RBPJ: variants seen among roughly 807,000 people sequenced by gnomAD.
The protein encoded by RBPJ is recombining binding protein suppressor of hairless.
In RBPJ, 9 loss-of-function variants were observed where a neutral mutation model predicts 67.8. That is an observed-to-expected ratio of 0.13 (90% CI 0.08 to 0.23). The LOEUF (loss-of-function observed/expected upper bound fraction) is 0.23. RBPJ is among the 10% of genes least tolerant of loss of function. RBPJ has a pLI of 1.00. For synonymous variants in RBPJ, 198 were observed against 203.3 expected (o/e 0.97, Z 0.22); for missense variants, 305 against 595.6 (o/e 0.51, Z 5.08).
chr4:26,187,774 C>T (rs573943614), intron 1 of RBPJ, among the ~76,000 whole-genome samples: 23 of 152,136 alleles, frequency 1.5e-4, no homozygotes, highest in Non-Finnish European at 2.6e-4. Context: ...ATAATCCCAG[C>T]AATTTGGGAG....
At chr4:26,290,692 C>T (rs372375093) in intron 1 of RBPJ, among the ~76,000 whole-genome samples, 1 of 150,846 alleles carries the variant, frequency 6.6e-6, no homozygotes, top group Non-Finnish European at 1.5e-5. Flanking sequence ...TTAACTTCAG[C>T]GATAACATGC....
the RBPJ span, among the ~76,000 whole-genome samples, chr4:26,120,824 G>A: frequency 6.9e-6 from 1 of 145,642 alleles, no homozygotes; most frequent in South Asian, 2.2e-4. Context: ...GAGTACTGTA[G>A]TTTAGAAGCA....
Position 26,430,073 on chromosome 4 carries a change from G to A in RBPJ, c.1044+20G>A, listed in dbSNP as rs775140078. On this transcript the variant is annotated intron_variant, in intron 9 of 10. Transcript: ENST00000355476. This position sits in a 1 kb window ranked among gnomAD's most constrained non-coding sequence, Gnocchi z 4.1. The stretch of plus-strand genomic sequence containing the variant: ...CTTCAGGTGAGAACGCCTAGTCCAA[G>A]TTGGCCTTCAGCTCTTTGCAGCTAC... 60 of 1,613,584 alleles carry A rather than the reference G, an allele frequency of 3.7e-5. No homozygotes were observed. In the South Asian group the frequency reaches 5.4e-4, roughly 14 times the overall value.
chr4:26,345,243 A>G (rs1030704632), intron 1 of RBPJ, among the ~76,000 whole-genome samples: 1 of 152,264 alleles, frequency 6.6e-6, no homozygotes, highest in Non-Finnish European at 1.5e-5. Flanking sequence ...TAGCCAAAAA[A>G]TATTAGGGGG....
chr4:26,109,452 CTCTCTCTCTATATATATATATATA>C, the RBPJ span, among the ~76,000 whole-genome samples: 2 of 24,220 alleles, frequency 8.3e-5, no homozygotes, highest in African/African-American at 2.6e-4. Context: ...CTCTCTCTCT[CTCTCTCTCTATATATATATATATA>C]TATATATATA....
intron 2 of RBPJ, among the ~76,000 whole-genome samples, chr4:26,398,014 G>A (rs1398608751): frequency 6.6e-6 from 1 of 152,114 alleles, no homozygotes; most frequent in African/African-American, 2.4e-5. Context: ...TGATGACTGT[G>A]GCCTATTGTG....
At position 26,359,937 on chromosome 4, in the gene RBPJ, A is replaced by G. The variant is rs557457532; in HGVS notation, c.21-26416A>G. Among the ~76,000 whole-genome samples the G allele has an allele frequency of 3.3e-5, 5 of 152,172 alleles. No homozygotes were observed. The South Asian group carries it at 1.0e-3, about 31-fold the overall frequency. On this transcript the variant is annotated intron_variant, in intron 1 of 10. Coordinates refer to ENST00000355476, the MANE Select transcript of RBPJ (RefSeq NM_015874.6). Reference sequence around the variant, plus strand: ...CAGTTATTTGATCTCATAATTTCATAAATATTGTGTGTTGTAAATTCAGTA... The same window carrying G: ...CAGTTATTTGATCTCATAATTTCATGAATATTGTGTGTTGTAAATTCAGTA...
At chr4:26,345,448 C>T (rs1030706071) in intron 1 of RBPJ, among the ~76,000 whole-genome samples, 3 of 152,166 alleles carry the variant, frequency 2.0e-5, no homozygotes, top group African/African-American at 4.8e-5. Context: ...TCCCCAAAAG[C>T]GCCTACTGAG....
intron 1 of RBPJ, among the ~76,000 whole-genome samples, chr4:26,328,878 G>A (rs1050736844): frequency 8.3e-4 from 126 of 152,240 alleles, no homozygotes; most frequent in Non-Finnish European, 7.4e-5. Flanking sequence ...CAGAGCTCCC[G>A]GGCTCAAGTG....
chr4:26,192,423 C>T (rs1043182335), intron 1 of RBPJ, among the ~76,000 whole-genome samples: 1 of 152,160 alleles, frequency 6.6e-6, no homozygotes, highest in African/African-American at 2.4e-5. Flanking sequence ...CACACAAATT[C>T]CCCCATATAC....
chr4:26,333,237 C>T (rs1420621227), intron 1 of RBPJ, among the ~76,000 whole-genome samples: 4 of 152,172 alleles, frequency 2.6e-5, no homozygotes, highest in East Asian at 1.9e-4. Context: ...CAAGGAACAA[C>T]GATATATTTC....
At chr4:26,408,370 C>T (rs977417187) in intron 3 of RBPJ, among the ~76,000 whole-genome samples, 2 of 150,646 alleles carry the variant, frequency 1.3e-5, no homozygotes, top group African/African-American at 4.9e-5. Flanking sequence ...TGGGACATAG[C>T]GTACCAACTC....
At chr4:26,288,631 T>C (rs965476742) in intron 1 of RBPJ, among the ~76,000 whole-genome samples, 1 of 152,258 alleles carries the variant, frequency 6.6e-6, no homozygotes, top group Non-Finnish European at 1.5e-5. Flanking sequence ...TGCAAATTTA[T>C]TTGTGAGTTT....
chr4:26,406,381 G>T, intron 3 of RBPJ, 111 bp downstream of exon 3: 1 of 672,832 alleles, frequency 1.5e-6, no homozygotes, highest in Non-Finnish European at 2.6e-6. Flanking sequence ...TCATTTGCTA[G>T]TACAAAATAA....
At chr4:26,375,288 C>CAAAAAAAA (rs561305108) in intron 1 of RBPJ, among the ~76,000 whole-genome samples, 1 of 102,920 alleles carries the variant, frequency 9.7e-6, no homozygotes, top group Non-Finnish European at 2.0e-5. Context: ...GACCCTGTCT[C>CAAAAAAAA]AAAAAAAAAA....
At chr4:26,334,422 T>C (rs1235538286) in intron 1 of RBPJ, among the ~76,000 whole-genome samples, 1 of 152,174 alleles carries the variant, frequency 6.6e-6, no homozygotes, top group Non-Finnish European at 1.5e-5. Flanking sequence ...GTTTTTAAAT[T>C]CTGTATACAT....
At chr4:26,327,376 A>G (rs1723738871) in intron 1 of RBPJ, among the ~76,000 whole-genome samples, 1 of 152,124 alleles carries the variant, frequency 6.6e-6, no homozygotes, top group Admixed American at 6.5e-5. Context: ...ATATTGGTGA[A>G]GTTTACGGCA....
At chr4:26,429,759 A>G in intron 8 of RBPJ, 139 bp from the exon 9 acceptor site, 1 of 695,852 alleles carries the variant, frequency 1.4e-6, no homozygotes. Flanking sequence ...TTGGCAAAGC[A>G]CCATACTTTA....
chr4:26,171,643 G>T (rs976906492), intron 1 of RBPJ, among the ~76,000 whole-genome samples: 1 of 152,196 alleles, frequency 6.6e-6, no homozygotes, highest in African/African-American at 2.4e-5. Context: ...ACAGGCTTAC[G>T]ATAGTCACAA....
Sources: gnomAD v4.1 joint callset for allele counts (sites outside exome capture counted in the v4.1 genomes callset) on GRCh38, gnomAD v4.1.1 for gene constraint, Gnocchi (gnomAD v3.1) non-coding constraint, MANE v1.5 for transcripts, NCBI Gene and HGNC (gene_info 2026-07-23, HGNC 2026-07-21) for gene names.